Variants in SPON2 observed in about 807,000 individuals in gnomAD.
The protein encoded by SPON2 is spondin-2.
A neutral mutation model predicts 29.9 loss-of-function variants in SPON2; 32 were observed. The ratio of observed to expected loss-of-function variants is 1.07; its 90% CI spans 0.81 to 1.44. SPON2 has a LOEUF of 1.44. Among genes scored for constraint, SPON2 ranks in the 40% most tolerant of loss-of-function variants. SPON2 has a pLI of 0.00. For missense variants in SPON2, 541 were observed against 455.5 expected, an observed-to-expected ratio of 1.19 and a Z score of -1.71; for synonymous variants, 248 against 209.1, an observed-to-expected ratio of 1.19 and a Z score of -1.61.
upstream of SPON2, among the ~76,000 whole-genome samples, chr4:1,174,512 A>AAAAAAC (rs1727553794): frequency 3.4e-5 from 5 of 148,760 alleles, no homozygotes; most frequent in South Asian, 2.1e-4. Flanking sequence ...ACAAAAAAAC[A>AAAAAAC]AAAAACAAAA....
chr4:1,173,581 C>T (rs1039921923), upstream of SPON2, among the ~76,000 whole-genome samples: 1 of 152,356 alleles, frequency 6.6e-6, no homozygotes. Context: ...GGAAACAGAG[C>T]GGAGGAAGGA....
chr4:1,171,307 C>G lies in SPON2; in HGVS notation c.400G>C (p.Gly134Arg). 11 of 1,596,130 alleles carry G rather than the reference C, an allele frequency of 6.9e-6. No homozygotes were observed. Among genetic ancestry groups the G allele is most frequent in the Non-Finnish European group, 9.4e-6 (11 of 1,175,864 alleles). ...FSAPAVPSGT[G>R]QTSAELEVQR... Reference sequence around the variant, plus strand: ...ACCTCCAGCTCCGCCGACGTCTGCCCGGTGCCGCTGGGGACGGCGGGCGCC... The same window carrying G: ...ACCTCCAGCTCCGCCGACGTCTGCCGGGTGCCGCTGGGGACGGCGGGCGCC... Residue 134 changes from glycine to arginine, a missense_variant, in exon 3 of 6, where the codon GGG becomes CGG. Physicochemically the swap from Gly to Arg is moderately radical, Grantham distance 125 (BLOSUM62 -2). Transcript: ENST00000290902.
chr4:1,190,380 A>G (rs1442320206), intron 1 of SPON2, among the ~76,000 whole-genome samples: 1 of 152,224 alleles, frequency 6.6e-6, no homozygotes, highest in Non-Finnish European at 1.5e-5. Context: ...TTGAAGCATA[A>G]TTAATACCAA....
intron 5 of SPON2, 58 bp downstream of exon 5, chr4:1,170,344 C>T (rs76966734): frequency 7.2e-6 from 11 of 1,537,826 alleles, no homozygotes; most frequent in East Asian, 2.3e-5. Flanking sequence ...GTTTGGTGGT[C>T]GCCCTGTGGC....
chr4:1,175,468 G>A (rs1000935160), upstream of SPON2, among the ~76,000 whole-genome samples: 1 of 152,192 alleles, frequency 6.6e-6, no homozygotes, highest in African/African-American at 2.4e-5. Context: ...TTGGCGGTGG[G>A]CCCAGGCTGG....
intron 1 of SPON2, among the ~76,000 whole-genome samples, chr4:1,192,708 G>C (rs1436124795): frequency 6.6e-6 from 1 of 152,188 alleles, no homozygotes. Context: ...GAAGGCTTGG[G>C]GGGTACGGCC....
intron 2 of SPON2, among the ~76,000 whole-genome samples, chr4:1,178,487 C>T (rs1727647831): frequency 6.6e-6 from 1 of 152,156 alleles, no homozygotes; most frequent in Non-Finnish European, 1.5e-5. Context: ...TGTCCCTCCT[C>T]TTCAGCACCC....
upstream of SPON2, among the ~76,000 whole-genome samples, chr4:1,198,373 G>A (rs777956316): frequency 6.6e-6 from 1 of 152,148 alleles, no homozygotes; most frequent in East Asian, 1.9e-4. Context: ...CACCTTCCAT[G>A]GAAGGAAAGT....
rs1244305574 is a variant in SPON2 at position 1,171,400 on chromosome 4, C to T, written c.307G>A (p.Ala103Thr). The T allele has an allele frequency of 1.9e-6, 3 of 1,612,198 alleles. No individual in the cohort carries two copies. Among genetic ancestry groups the T allele is most frequent in the African/African-American group, 2.7e-5 (2 of 74,918 alleles). ...GLRDFAERGE[A>T]WALMKEIEAA... ...TCGATCTCCTTCATCAGCGCCCAGG[C>T]CTCGCCGCGCTCCGCAAAGTCGCGC... Residue 103 changes from alanine (A) to threonine (T), a missense_variant, in exon 3 of 6, where the codon GCC becomes ACC. Physicochemically the swap from Ala to Thr is moderately conservative, Grantham distance 58 (BLOSUM62 0). Transcript: ENST00000290902.
chr4:1,170,862 G>A (rs1359772237), intron 4 of SPON2, 137 bp downstream of exon 4: 6 of 1,255,922 alleles, frequency 4.8e-6, no homozygotes, highest in Middle Eastern at 1.8e-4. Flanking sequence ...CACTGCTGGC[G>A]CTAGAAGCAG....
At chr4:1,176,680 T>G (rs111444821), upstream of SPON2, among the ~76,000 whole-genome samples, 1 of 151,070 alleles carries the variant, frequency 6.6e-6, no homozygotes, top group African/African-American at 2.4e-5. Flanking sequence ...ATTCATTCAA[T>G]CATCCATTCA....
rs1727473739 is a variant in SPON2, at chr4:1,171,997, G to C, written c.75C>G (p.Ala25=). 6.2e-7 allele frequency: 1 copy of C among 1,612,892 alleles called. No homozygotes were observed. The highest frequency in any genetic ancestry group is 8.5e-7 in the Non-Finnish European group (1 of 1,179,886). The change falls in exon 2 of 6, where the codon GCC becomes GCG. Residue 25 remains alanine, a synonymous_variant. Transcript: ENST00000290902. ...CALLLATLGA[A]GQPLGGESIC... is the part of the protein sequence containing the mutation. ...TGGACTCTCCCCCAAGAGGCTGGCCGGCGGCGCCGAGAGTGGCCAGGAGGA... is the reference window on the plus strand; with the variant it reads ...TGGACTCTCCCCCAAGAGGCTGGCCCGCGGCGCCGAGAGTGGCCAGGAGGA...
chr4:1,172,521 T>C (rs930177095), intron 1 of SPON2, 23 bp downstream of exon 1: 1 of 190,456 alleles, frequency 5.3e-6, no homozygotes, highest in African/African-American at 2.4e-5. Context: ...TCTCTGGGTG[T>C]CCCGGGGGCA....
At position 1,202,791 on chromosome 4, in the gene SPON2, G is replaced by A. The variant is rs1044250117; in HGVS notation, c.-234+5089C>T. On this transcript the variant is annotated intron_variant, in intron 1 of 3. Transcript: ENST00000509233. The surrounding 1 kb of genome is among the most constrained non-coding windows in gnomAD (Gnocchi z 5.4). ...GTCAGCAACATGCTTTGAAATCTGG[G>A]TGCAGGCCACCATCGCCTGCAGTGT... Among the ~76,000 whole-genome samples the A allele has an allele frequency of 6.6e-6, 1 of 152,174 alleles. No homozygotes were observed. The highest frequency in any genetic ancestry group is 2.1e-4 in the South Asian group (1 of 4,830).
chr4:1,203,047 G>C (rs1353016530), intron 1 of SPON2, among the ~76,000 whole-genome samples: 1 of 152,226 alleles, frequency 6.6e-6, no homozygotes, highest in African/African-American at 2.4e-5. Flanking sequence ...GAAGGAACTA[G>C]CTTGGCTGTT....
At chr4:1,168,775 C>G (rs963839011) in intron 5 of SPON2, among the ~76,000 whole-genome samples, 2 of 152,208 alleles carry the variant, frequency 1.3e-5, no homozygotes, top group African/African-American at 2.4e-5. Context: ...ACAAGCCTCT[C>G]CAATGCTGCA....
In SPON2 at chr4:1,172,452, T is replaced by G. The variant is rs371445033; in HGVS notation, c.-4+92A>C. 1,228 of 329,816 alleles carry G rather than the reference T, an allele frequency of 3.7e-3. 42 individuals carry two copies. Among genetic ancestry groups the G allele is most frequent in the South Asian group, 0.035 (1,197 of 34,112 alleles). The allele number at this position is 329,816 out of a possible 1,614,324, so 20.4% of individuals were successfully genotyped here. On this transcript the variant is annotated intron_variant, in intron 1 of 5. Coordinates refer to ENST00000290902, the MANE Select transcript of SPON2 (RefSeq NM_012445.4). The stretch of plus-strand genomic sequence containing the variant: ...GCTCGGTCGCAGCCAGTCCTGGGGG[T>G]CCCTCTGGAGGTGCCACAAGGTTCT...
intron 1 of SPON2, among the ~76,000 whole-genome samples, chr4:1,189,485 A>T (rs971242171): frequency 4.0e-5 from 6 of 151,574 alleles, no homozygotes; most frequent in Admixed American, 3.9e-4. Context: ...GTAAAACCCC[A>T]TCTCTACAAA....
At chr4:1,197,758 G>T (rs926173190), upstream of SPON2, among the ~76,000 whole-genome samples, 1 of 152,154 alleles carries the variant, frequency 6.6e-6, no homozygotes, top group Non-Finnish European at 1.5e-5. Flanking sequence ...ATCAAGAAAT[G>T]ACTGCCTAGG....
Sources: gnomAD v4.1 joint callset for allele counts (sites outside exome capture counted in the v4.1 genomes callset) on GRCh38, gnomAD v4.1.1 for gene constraint, Gnocchi (gnomAD v3.1) non-coding constraint, MANE v1.5 for transcripts, NCBI Gene and HGNC (gene_info 2026-07-23, HGNC 2026-07-21) for gene names.